Variants in NTN1 observed in about 807,000 individuals in gnomAD.
NTN1 encodes the protein netrin-1.
In NTN1, 11 loss-of-function variants were observed where a neutral mutation model predicts 54.2. The ratio of observed to expected loss-of-function variants is 0.20; its 90% CI spans 0.13 to 0.34. The LOEUF (loss-of-function observed/expected upper bound fraction) is 0.34. Among genes scored for constraint, NTN1 ranks in the 10% least tolerant of loss-of-function variants. The pLI is 1.00. For missense variants in NTN1, 740 were observed against 893.1 expected (o/e 0.83, Z 2.18); for synonymous variants, 371 against 382.0 (o/e 0.97, Z 0.33).
intron 2 of NTN1, among the ~76,000 whole-genome samples, chr17:9,069,096 T>G (rs974292004): frequency 6.6e-6 from 1 of 152,178 alleles, no homozygotes; most frequent in African/African-American, 2.4e-5. Context: ...CCTCCTAGCC[T>G]GGCTTCCTCC....
intron 2 of NTN1, among the ~76,000 whole-genome samples, chr17:9,032,149 G>A (rs2091890175): frequency 6.6e-6 from 1 of 152,190 alleles, no homozygotes. Context: ...CGGGGTGCAG[G>A]GAGGGGCCGA....
In NTN1 at chr17:9,221,358, C is replaced by A; in HGVS notation, c.1486+116C>A. 2.5e-6 allele frequency: 2 copies of A among 797,640 alleles called. No individual in the cohort carries two copies. The highest frequency in any genetic ancestry group is 1.4e-5 in the South Asian group (1 of 72,260). The allele number at this position is 797,640 out of a possible 1,614,324, so 49.4% of individuals were successfully genotyped here. On this transcript the variant is annotated intron_variant, in intron 6 of 6. Transcript: ENST00000173229. This position sits in a 1 kb window ranked among gnomAD's most constrained non-coding sequence, Gnocchi z 4.5. ...GTGTTGGTCGTGAAGACCCTGTGAC[C>A]GATGGGAACTAGCCGGACGGATCCC... is the stretch of plus-strand genomic sequence containing the variant.
At chr17:9,062,105 T>A (rs1002407429) in intron 2 of NTN1, among the ~76,000 whole-genome samples, 1 of 152,162 alleles carries the variant, frequency 6.6e-6, no homozygotes, top group Admixed American at 6.5e-5. Context: ...GTGGTTTTGT[T>A]CCTGAATCAA....
At chr17:9,022,233 G>T (rs2091851860) in intron 1 of NTN1, 78 bp from the exon 2 acceptor site, 3 of 953,280 alleles carry the variant, frequency 3.1e-6, no homozygotes, top group African/African-American at 1.7e-5. Context: ...GCGTTCTCCC[G>T]CATCTCCGCT....
In NTN1 at chr17:9,023,210, G is replaced by A; in HGVS notation, c.837G>A (p.Leu279=). 1 of 1,562,848 alleles carries A rather than the reference G, an allele frequency of 6.4e-7. No individual in the cohort carries two copies. The highest frequency in any genetic ancestry group is 2.4e-5 in the East Asian group (1 of 42,124). ...CGTACTTCTACGCGGTGTCCGACCT[G>A]CAGGTGGGCGGCCGGTGCAAGTGCA... ...RDSYFYAVSD[L]QVGGRCKCNG... Residue 279 remains leucine (L), a synonymous_variant, in exon 2 of 7, where the codon CTG becomes CTA. Coordinates refer to ENST00000173229, the MANE Select transcript of NTN1 (RefSeq NM_004822.3).
At chr17:9,215,810 T>C (rs1488652506) in intron 5 of NTN1, among the ~76,000 whole-genome samples, 1 of 152,220 alleles carries the variant, frequency 6.6e-6, no homozygotes, top group Non-Finnish European at 1.5e-5. Flanking sequence ...TCCCCTTTTG[T>C]TGATTTTTGG....
intron 5 of NTN1, among the ~76,000 whole-genome samples, chr17:9,191,902 T>C (rs1321912789): frequency 1.4e-5 from 2 of 146,192 alleles, no homozygotes. Context: ...TCCAGGGGTG[T>C]TGGCACATGC....
chr17:9,054,124 C>T lies in NTN1; in HGVS notation c.1018+30733C>T, dbSNP rs113570541. On this transcript the variant is annotated intron_variant, in intron 2 of 6. Transcript: ENST00000173229. ...AAAGGAGACTCCAGCCTGATGGGAACGAAGGGCGGACAGTGAACACGATTC... is the reference window on the plus strand; with the variant it reads ...AAAGGAGACTCCAGCCTGATGGGAATGAAGGGCGGACAGTGAACACGATTC... Among the ~76,000 whole-genome samples the T allele has an allele frequency of 6.3e-3, 959 of 152,266 alleles. 6 individuals carry two copies. Among genetic ancestry groups the T allele is most frequent in the Admixed American group, 0.013 (194 of 15,278 alleles).
intron 5 of NTN1, among the ~76,000 whole-genome samples, chr17:9,184,834 T>G (rs2092428538): frequency 6.6e-6 from 1 of 152,254 alleles, no homozygotes; most frequent in Non-Finnish European, 1.5e-5. Flanking sequence ...TACAAGAAGC[T>G]GGTATAAAAC....
Position 9,022,520 on chromosome 17 carries a change from C to G in NTN1, c.147C>G (p.Arg49=), listed in dbSNP as rs781316575. The change falls in exon 2 of 7, where the codon CGC becomes CGG. Residue 49 remains arginine, a synonymous_variant. Transcript: ENST00000173229. ...GCTCGGACGAGAACGGCCACCCGCG[C>G]CGCTGCATCCCGGACTTTGTCAATG... ...DPCSDENGHP[R]RCIPDFVNAA... The G allele has an allele frequency of 6.5e-7, 1 of 1,548,560 alleles. No individual in the cohort carries two copies. Among genetic ancestry groups the G allele is most frequent in the Non-Finnish European group, 8.7e-7 (1 of 1,150,296 alleles).
In NTN1 at chr17:9,219,174, C is replaced by T. The variant is rs895413161; in HGVS notation, c.1412-1994C>T. On this transcript the variant is annotated intron_variant, in intron 5 of 6. Coordinates refer to ENST00000173229, the MANE Select transcript of NTN1 (RefSeq NM_004822.3). The surrounding 1 kb of genome is among the most constrained non-coding windows in gnomAD (Gnocchi z 4.5). ...TGTTCCTCACAGGGAAGTGCGGCCG[C>T]GGTGCTGATGGTGCTGATGGCGCCG... is the stretch of plus-strand genomic sequence containing the variant. 1.2e-4 allele frequency among the ~76,000 whole-genome samples: 19 copies of T among 152,290 alleles called. No individual in the cohort carries two copies. The highest frequency in any genetic ancestry group is 3.4e-4 in the African/African-American group (14 of 41,538).
chr17:9,166,186 CCACCACCA>C (rs2092372787), intron 3 of NTN1, among the ~76,000 whole-genome samples: 1 of 139,600 alleles, frequency 7.2e-6, no homozygotes, highest in Non-Finnish European at 1.5e-5. Context: ...ACCACCACCA[CCACCACCA>C]CCACCACCAC....
chr17:9,029,987 T>A (rs2091883951), intron 2 of NTN1, among the ~76,000 whole-genome samples: 2 of 107,892 alleles, frequency 1.9e-5, no homozygotes, highest in Admixed American at 2.0e-4. Context: ...CGAAACTCCG[T>A]CTCAAAAAAA....
intron 2 of NTN1, among the ~76,000 whole-genome samples, chr17:9,093,774 C>T (rs1161057359): frequency 6.6e-6 from 1 of 152,092 alleles, no homozygotes; most frequent in Non-Finnish European, 1.5e-5. Context: ...AGGAGTTTGA[C>T]ACCAGCCTGG....
intron 2 of NTN1, among the ~76,000 whole-genome samples, chr17:9,114,842 C>A (rs556931726): frequency 3.0e-4 from 45 of 152,322 alleles, no homozygotes; most frequent in African/African-American, 1.1e-3. Flanking sequence ...TTCCTCTTTT[C>A]TCTCATAGCT....
chr17:9,127,279 A>G (rs1483158000), intron 2 of NTN1, among the ~76,000 whole-genome samples: 2 of 151,964 alleles, frequency 1.3e-5, no homozygotes, highest in Admixed American at 6.6e-5. Flanking sequence ...TGGCTGGAGG[A>G]GAGGTGGTGG....
At chr17:9,205,862 C>T (rs1004074138) in intron 5 of NTN1, among the ~76,000 whole-genome samples, 5 of 152,252 alleles carry the variant, frequency 3.3e-5, no homozygotes, top group South Asian at 2.1e-4. Context: ...TAATACCACC[C>T]GAACTGCCTC....
the NTN1 span, among the ~76,000 whole-genome samples, chr17:9,004,974 C>A: frequency 6.6e-6 from 1 of 152,116 alleles, no homozygotes; most frequent in Non-Finnish European, 1.5e-5. Flanking sequence ...TGGAAGTCAT[C>A]CCTCCCCTCT....
intron 2 of NTN1, among the ~76,000 whole-genome samples, chr17:9,033,666 C>A (rs1214309542): frequency 6.6e-6 from 1 of 152,064 alleles, no homozygotes; most frequent in Non-Finnish European, 1.5e-5. Context: ...GCCTGTAATC[C>A]CAGCACTTCG....
Sources: allele counts gnomAD v4.1 joint callset (sites outside exome capture counted in the v4.1 genomes callset), GRCh38; gene constraint gnomAD v4.1.1; non-coding constraint Gnocchi (gnomAD v3.1); transcripts MANE v1.5; gene names NCBI Gene and HGNC (gene_info 2026-07-23, HGNC 2026-07-21).